Variants in FBXO28 observed in about 807,000 individuals in gnomAD.
FBXO28 encodes F-box only protein 28.
A neutral mutation model predicts 38.1 loss-of-function variants in FBXO28; 8 were observed. The observed-to-expected ratio is 0.21, with a 90% CI of 0.12 to 0.38. FBXO28 has a LOEUF of 0.38. Among genes scored for constraint, FBXO28 ranks in the 10% least tolerant of loss-of-function variants. The pLI, the probability that FBXO28 is intolerant of heterozygous loss-of-function variation, is 1.00. For synonymous variants in FBXO28, 168 were observed against 173.8 expected, an observed-to-expected ratio of 0.97 and a Z score of 0.26; for missense variants, 345 against 460.6, an observed-to-expected ratio of 0.75 and a Z score of 2.30.
chr1:224,139,302 CT>C (rs745836542), intron 3 of FBXO28, among the ~76,000 whole-genome samples: 3 of 151,128 alleles, frequency 2.0e-5, no homozygotes, highest in Non-Finnish European at 4.4e-5. Context: ...TTTTTTTATT[CT>C]TTTTTTTGTG....
intron 3 of FBXO28, among the ~76,000 whole-genome samples, chr1:224,137,553 CAG>C (rs1558191867): frequency 6.6e-6 from 1 of 151,598 alleles, no homozygotes; most frequent in Non-Finnish European, 1.5e-5. Flanking sequence ...AAAAGGAAGA[CAG>C]AAATCCACAA....
At chr1:224,148,717 A>C (rs1446821119) in intron 3 of FBXO28, among the ~76,000 whole-genome samples, 1 of 152,048 alleles carries the variant, frequency 6.6e-6, no homozygotes, top group Non-Finnish European at 1.5e-5. Flanking sequence ...TTGGTACATG[A>C]TAGTACTGCA....
At position 224,161,926 on chromosome 1, in the gene FBXO28, A is replaced by C. The variant is rs1192738821; in HGVS notation, c.*4180A>C. 1 of 152,222 alleles carries C rather than the reference A, an allele frequency of 6.6e-6. No homozygotes were observed. Among genetic ancestry groups the C allele is most frequent in the Admixed American group, 6.5e-5 (1 of 15,268 alleles). 9.4% of individuals were successfully genotyped at this position (152,222 alleles called of 1,614,324 possible). A position where few individuals can be genotyped will look rare whatever the true frequency, so the allele number is the denominator to read the frequency against. On this transcript the variant is annotated 3_prime_UTR_variant, in exon 5 of 5. Coordinates refer to ENST00000366862, the MANE Select transcript of FBXO28 (RefSeq NM_015176.4). ...GTCTGTTTACCTATGCTTATGAGCA[A>C]CAATAAATTACTAGTTTACCTTCTG...
chr1:224,132,479 T>C (rs914183506), intron 2 of FBXO28, among the ~76,000 whole-genome samples: 22 of 152,208 alleles, frequency 1.4e-4, no homozygotes, highest in Middle Eastern at 3.4e-3. Context: ...ATGTTGGGAA[T>C]GTAAAATGGT....
At chr1:224,146,981 C>T (rs541466702) in intron 3 of FBXO28, among the ~76,000 whole-genome samples, 301 of 151,574 alleles carry the variant, frequency 2.0e-3, no homozygotes, top group Admixed American at 3.9e-3. Context: ...GCTGGGATTA[C>T]AGGCGTGAGC....
At chr1:224,114,452 T>TGAG (rs554014228) in intron 1 of FBXO28, 56 bp downstream of exon 1, 1,419,072 of 1,422,760 alleles carry the variant, frequency 1, 707,780 homozygotes, top group East Asian at 1. Context: ...GTCTGGGAGA[T>TGAG]GAGAAGGGAG....
intron 3 of FBXO28, among the ~76,000 whole-genome samples, chr1:224,138,940 C>T (rs965770851): frequency 2.6e-5 from 4 of 151,522 alleles, no homozygotes; most frequent in African/African-American, 9.8e-5. Flanking sequence ...TGCCACCATG[C>T]CCAGCTAAGT....
Position 224,139,016 on chromosome 1 carries a change from C to G in FBXO28, c.516+4804C>G, listed in dbSNP as rs1387046022. The stretch of plus-strand genomic sequence containing the variant: ...GCCAGGATGGCCTCAATCTCCTGAC[C>G]TTGTGATGCGCCCACCTTAGCCTCC... On this transcript the variant is annotated intron_variant, in intron 3 of 4. Transcript: ENST00000366862. Among the ~76,000 whole-genome samples, 7 of 151,794 alleles carry G rather than the reference C, an allele frequency of 4.6e-5. No homozygotes were observed. In the East Asian group the frequency reaches 1.4e-3, roughly 29 times the overall value.
intron 1 of FBXO28, 130 bp from the exon 2 acceptor site, chr1:224,130,342 A>C: frequency 1.9e-6 from 1 of 527,484 alleles, no homozygotes; most frequent in Non-Finnish European, 3.3e-6. Context: ...ACTTCGTCTC[A>C]AAAAAAAAGA....
intron 4 of FBXO28, among the ~76,000 whole-genome samples, chr1:224,155,702 G>GA (rs1657757777): frequency 6.6e-6 from 1 of 152,140 alleles, no homozygotes; most frequent in South Asian, 2.1e-4. Context: ...TGAGGCAACC[G>GA]AGTGGCTTTC....
At chr1:224,152,281 T>C (rs921328378) in intron 3 of FBXO28, among the ~76,000 whole-genome samples, 7 of 152,050 alleles carry the variant, frequency 4.6e-5, no homozygotes, top group Admixed American at 1.3e-4. Context: ...CCGTAACAAG[T>C]CTCAGAGAAA....
intron 4 of FBXO28, among the ~76,000 whole-genome samples, chr1:224,156,250 A>G (rs1657769746): frequency 6.6e-6 from 1 of 152,180 alleles, no homozygotes; most frequent in South Asian, 2.1e-4. Context: ...TGCTTGTGTT[A>G]CATTCTAATT....
At chr1:224,149,236 C>T (rs1185240896) in intron 3 of FBXO28, among the ~76,000 whole-genome samples, 1 of 150,532 alleles carries the variant, frequency 6.6e-6, no homozygotes, top group Non-Finnish European at 1.5e-5. Flanking sequence ...CCTTTGTGTT[C>T]AAAACATAAT....
intron 1 of FBXO28, among the ~76,000 whole-genome samples, chr1:224,116,122 C>G (rs749870287): frequency 6.6e-6 from 1 of 152,066 alleles, no homozygotes; most frequent in Non-Finnish European, 1.5e-5. Context: ...CTGCCCACCC[C>G]CAGGAAAAGA....
chr1:224,123,080 T>TA (rs3835628), intron 1 of FBXO28, among the ~76,000 whole-genome samples: 61,623 of 150,684 alleles, frequency 0.41, 12,703 homozygotes, highest in East Asian at 0.56. Flanking sequence ...TTTCTCACTT[T>TA]AAAAAAAAAG....
intron 1 of FBXO28, among the ~76,000 whole-genome samples, chr1:224,119,135 C>CTTCTT (rs545076248): frequency 9.1e-6 from 1 of 109,910 alleles, no homozygotes; most frequent in Non-Finnish European, 1.7e-5. Context: ...TCTTTTTTTT[C>CTTCTT]TTTTTTTTTT....
intron 1 of FBXO28, among the ~76,000 whole-genome samples, chr1:224,125,712 G>A (rs1377432799): frequency 6.6e-6 from 1 of 151,130 alleles, no homozygotes. Flanking sequence ...TGCCGTCTCG[G>A]ACCACTGTAA....
intron 1 of FBXO28, among the ~76,000 whole-genome samples, chr1:224,122,677 G>A (rs1395385249): frequency 6.6e-6 from 1 of 151,828 alleles, no homozygotes; most frequent in Non-Finnish European, 1.5e-5. Flanking sequence ...CAGATGGCTT[G>A]TAATGGTTCT....
chr1:224,153,070 C>T (rs922240309), intron 3 of FBXO28, 72 bp from the exon 4 acceptor site: 6 of 1,246,742 alleles, frequency 4.8e-6, no homozygotes, highest in Non-Finnish European at 6.7e-6. Flanking sequence ...GCAGTTACTT[C>T]TCTGCCTGTT....
Sources: allele counts gnomAD v4.1 joint callset (sites outside exome capture counted in the v4.1 genomes callset), GRCh38; gene constraint gnomAD v4.1.1; transcripts MANE v1.5; gene names NCBI Gene and HGNC (gene_info 2026-07-23, HGNC 2026-07-21).